The following UBE2V2 variants were observed in gnomAD, a reference collection of about 807,000 sequenced individuals.
UBE2V2 encodes ubiquitin-conjugating enzyme E2 variant 2.
In UBE2V2, 9 loss-of-function variants were observed where a neutral mutation model predicts 17.2. The observed-to-expected ratio is 0.52, with a 90% CI of 0.32 to 0.91. The LOEUF (loss-of-function observed/expected upper bound fraction) is 0.91. Ranked by LOEUF, UBE2V2 falls within the 40% of genes least tolerant of loss-of-function variation. The probability of loss-of-function intolerance (pLI) is 0.04; values close to 1 mark genes in which losing one functional copy is unlikely to be tolerated. For synonymous variants in UBE2V2, 61 were observed against 57.5 expected, an observed-to-expected ratio of 1.06 and a Z score of -0.28; for missense variants, 133 against 182.6, an observed-to-expected ratio of 0.73 and a Z score of 1.56.
At chr8:48,025,143 C>T (rs985660253) in intron 1 of UBE2V2, among the ~76,000 whole-genome samples, 5 of 152,106 alleles carry the variant, frequency 3.3e-5, no homozygotes, top group Non-Finnish European at 5.9e-5. Context: ...ACCGTGTTAG[C>T]CAGGAGATGG....
chr8:48,007,518 A>G (rs949690617), upstream of UBE2V2, among the ~76,000 whole-genome samples: 2 of 152,112 alleles, frequency 1.3e-5, no homozygotes, highest in Non-Finnish European at 2.9e-5. Context: ...CAATTGCTAC[A>G]AAGAGAATAA....
chr8:48,003,043 C>G, the UBE2V2 span, among the ~76,000 whole-genome samples: 5 of 151,992 alleles, frequency 3.3e-5, no homozygotes, highest in African/African-American at 1.2e-4. Flanking sequence ...AACCCCGTCT[C>G]TGCTAAAAAT....
rs559673158 is a variant in UBE2V2, at chr8:48,023,489, C to A, written c.16+15019C>A. 3.3e-5 allele frequency among the ~76,000 whole-genome samples: 5 copies of A among 151,796 alleles called. No individual in the cohort carries two copies. In the East Asian group the frequency reaches 9.8e-4, roughly 30 times the overall value. On this transcript the variant is annotated intron_variant, in intron 1 of 3. Coordinates refer to ENST00000523111, the MANE Select transcript of UBE2V2 (RefSeq NM_003350.3). ...CCTCGGCCTCCCAAAGTGCTGGGATCACAGGTGTGAGCCACCATGCCCAGC... is the reference window on the plus strand; with the variant it reads ...CCTCGGCCTCCCAAAGTGCTGGGATAACAGGTGTGAGCCACCATGCCCAGC...
At chr8:48,053,313 T>C (rs188987445) in intron 3 of UBE2V2, among the ~76,000 whole-genome samples, 95 of 152,348 alleles carry the variant, frequency 6.2e-4, no homozygotes, top group African/African-American at 2.2e-3. Context: ...TTAAAAGAAA[T>C]GTTTCTAACA....
At chr8:48,051,451 C>A (rs2091537741) in intron 3 of UBE2V2, among the ~76,000 whole-genome samples, 1 of 152,154 alleles carries the variant, frequency 6.6e-6, no homozygotes, top group South Asian at 2.1e-4. Flanking sequence ...AAATGTATCA[C>A]ATATGTACAC....
At chr8:48,056,657 A>T (rs1385757870) in intron 3 of UBE2V2, among the ~76,000 whole-genome samples, 3 of 151,228 alleles carry the variant, frequency 2.0e-5, no homozygotes, top group Non-Finnish European at 4.4e-5. Context: ...CTCCCAAAGT[A>T]TTGGGATTAC....
intron 1 of UBE2V2, chr8:48,034,957 A>G (rs1435466262): frequency 2.1e-6 from 2 of 948,606 alleles, no homozygotes; most frequent in Admixed American, 6.2e-5. Flanking sequence ...CCAGGTGGCC[A>G]GTTAGGACTT....
At chr8:48,006,010 T>C (rs1310872482), upstream of UBE2V2, among the ~76,000 whole-genome samples, 1 of 152,252 alleles carries the variant, frequency 6.6e-6, no homozygotes, top group African/African-American at 2.4e-5. Context: ...AGAAGCTCTT[T>C]AGTTTAATCA....
chr8:47,998,625 GTT>G, the UBE2V2 span, among the ~76,000 whole-genome samples: 2 of 151,666 alleles, frequency 1.3e-5, no homozygotes, highest in African/African-American at 4.9e-5. Flanking sequence ...ACTTCGGCAG[GTT>G]CAGGGAAGGG....
intron 1 of UBE2V2, among the ~76,000 whole-genome samples, chr8:48,019,799 A>G (rs546442479): frequency 6.6e-6 from 1 of 151,842 alleles, no homozygotes; most frequent in East Asian, 1.9e-4. Context: ...TGGGTGACAG[A>G]GCTAGACTCC....
chr8:48,015,376 CA>C (rs887552414), intron 1 of UBE2V2, among the ~76,000 whole-genome samples: 5 of 147,760 alleles, frequency 3.4e-5, no homozygotes, highest in East Asian at 2.0e-4. Context: ...GACACTGTGT[CA>C]AAAAAAAAAT....
At chr8:48,035,391 G>T (rs1554657502) in intron 1 of UBE2V2, among the ~76,000 whole-genome samples, 1 of 151,842 alleles carries the variant, frequency 6.6e-6, no homozygotes, top group South Asian at 2.1e-4. Flanking sequence ...AAAGTGCTGG[G>T]ATTACAGGCA....
intron 1 of UBE2V2, 97 bp downstream of exon 1, chr8:48,008,567 C>T (rs2091202805): frequency 2.0e-6 from 3 of 1,464,434 alleles, no homozygotes; most frequent in Admixed American, 2.7e-5. Context: ...GCGGGAGAAG[C>T]CCGAGTGCGC....
intron 1 of UBE2V2, among the ~76,000 whole-genome samples, chr8:48,012,482 G>A (rs981466356): frequency 3.3e-5 from 5 of 152,188 alleles, no homozygotes; most frequent in Non-Finnish European, 5.9e-5. Context: ...ACTTTGGGAG[G>A]CCGAGGTGGG....
intron 2 of UBE2V2, among the ~76,000 whole-genome samples, chr8:48,045,411 C>G (rs2091492415): frequency 1.3e-5 from 2 of 152,096 alleles, no homozygotes; most frequent in Admixed American, 1.3e-4. Flanking sequence ...ACTGGGGGAA[C>G]TTACCAGGGC....
At chr8:48,052,440 T>A (rs1164770690) in intron 3 of UBE2V2, among the ~76,000 whole-genome samples, 2 of 152,230 alleles carry the variant, frequency 1.3e-5, no homozygotes, top group Non-Finnish European at 2.9e-5. Context: ...TCTGATCTCT[T>A]GGGCTTTTGG....
chr8:48,008,994 C>T (rs2091207218), intron 1 of UBE2V2, among the ~76,000 whole-genome samples: 1 of 152,102 alleles, frequency 6.6e-6, no homozygotes, highest in Non-Finnish European at 1.5e-5. Flanking sequence ...TGACTGAATA[C>T]GTGTGATCTT....
In UBE2V2 at chr8:48,047,141, A is replaced by T. The variant is rs111384801; in HGVS notation, c.166-2712A>T. Among the ~76,000 whole-genome samples, 549 of 151,770 alleles carry T rather than the reference A, an allele frequency of 3.6e-3. 2 individuals carry two copies. The highest frequency in any genetic ancestry group is 0.01 in the Middle Eastern group (3 of 290). On this transcript the variant is annotated intron_variant, in intron 2 of 3. Coordinates refer to ENST00000523111, the MANE Select transcript of UBE2V2 (RefSeq NM_003350.3). ...TTTTTAGTAGAGATGGGGTTTCTCC[A>T]TGTTGGTCAAGCTGGTCTCGAACTC...
chr8:48,040,191 C>A (rs1012628529), intron 1 of UBE2V2, among the ~76,000 whole-genome samples: 8 of 151,984 alleles, frequency 5.3e-5, no homozygotes, highest in African/African-American at 1.9e-4. Flanking sequence ...TCTCTTCCCC[C>A]CTCCCTTCAC....
Sources: allele counts gnomAD v4.1 joint callset (sites outside exome capture counted in the v4.1 genomes callset), GRCh38; gene constraint gnomAD v4.1.1; transcripts MANE v1.5; gene names NCBI Gene and HGNC (gene_info 2026-07-23, HGNC 2026-07-21).